The following GRM1 variants were observed in gnomAD, a reference collection of about 807,000 sequenced individuals.
GRM1 encodes the protein glutamate metabotropic receptor 1.
Under a neutral mutation model 90.9 loss-of-function variants are expected in GRM1, and 33 were observed. That is an observed-to-expected ratio of 0.36 (90% CI 0.28 to 0.49). The LOEUF is 0.49. Among genes scored for constraint, GRM1 ranks in the 20% least tolerant of loss-of-function variants. GRM1 has a pLI of 0.99. For synonymous variants in GRM1, 700 were observed against 613.2 expected, an observed-to-expected ratio of 1.14 and a Z score of -2.09; for missense variants, 1,190 against 1,534.3, an observed-to-expected ratio of 0.78 and a Z score of 3.75.
At chr6:146,227,694 A>G (rs1463439638) in intron 2 of GRM1, among the ~76,000 whole-genome samples, 2 of 152,172 alleles carry the variant, frequency 1.3e-5, no homozygotes, top group Non-Finnish European at 1.5e-5. Flanking sequence ...AATTGCAACT[A>G]TGGCTTCCTA....
intron 2 of GRM1, among the ~76,000 whole-genome samples, chr6:146,193,051 C>T (rs926319684): frequency 3.9e-4 from 59 of 152,080 alleles, no homozygotes; most frequent in African/African-American, 1.3e-3. Flanking sequence ...TTGTACCAAG[C>T]GACTGGAAAA....
At chr6:146,032,146 G>A (rs1051766601) in intron 1 of GRM1, among the ~76,000 whole-genome samples, 1 of 152,072 alleles carries the variant, frequency 6.6e-6, no homozygotes, top group Non-Finnish European at 1.5e-5. Context: ...TTATAATTTT[G>A]CCCATGTGTT....
intron 1 of GRM1, among the ~76,000 whole-genome samples, chr6:146,146,215 A>G (rs1427980709): frequency 2.3e-5 from 3 of 132,382 alleles, no homozygotes; most frequent in Middle Eastern, 5.0e-3. Flanking sequence ...CAGCCTCCCT[A>G]GTAGCTGGGA....
chr6:146,077,229 G>T (rs1049616488), intron 1 of GRM1, among the ~76,000 whole-genome samples: 3 of 152,148 alleles, frequency 2.0e-5, no homozygotes, highest in Non-Finnish European at 4.4e-5. Flanking sequence ...TGTGAATTCT[G>T]GTTCAAATAC....
At chr6:146,238,416 A>C (rs1481843611) in intron 2 of GRM1, among the ~76,000 whole-genome samples, 2 of 152,132 alleles carry the variant, frequency 1.3e-5, no homozygotes. Context: ...ATTTTACACC[A>C]GTAGGTAGTA....
At chr6:146,302,370 A>C (rs1783421109) in intron 2 of GRM1, among the ~76,000 whole-genome samples, 2 of 146,804 alleles carry the variant, frequency 1.4e-5, no homozygotes, top group African/African-American at 5.0e-5. Flanking sequence ...TCCCCATGAT[A>C]CTGGTCACTT....
intron 1 of GRM1, among the ~76,000 whole-genome samples, chr6:146,129,792 T>A (rs565404113): frequency 6.6e-6 from 1 of 152,310 alleles, no homozygotes; most frequent in Non-Finnish European, 1.5e-5. Flanking sequence ...GATTTCTGAA[T>A]GTTGTGCCAG....
intron 1 of GRM1, among the ~76,000 whole-genome samples, chr6:146,039,949 C>G (rs1036739877): frequency 2.0e-5 from 3 of 151,884 alleles, no homozygotes; most frequent in Non-Finnish European, 4.4e-5. Context: ...ACAATAAAGT[C>G]AAGGGATCCC....
intron 1 of GRM1, among the ~76,000 whole-genome samples, chr6:146,041,860 C>G (rs976719717): frequency 6.6e-6 from 1 of 151,942 alleles, no homozygotes; most frequent in African/African-American, 2.4e-5. Context: ...GACGGAGTAG[C>G]TTATAAATAA....
intron 1 of GRM1, among the ~76,000 whole-genome samples, chr6:146,054,838 G>T (rs1160287108): frequency 6.6e-6 from 1 of 152,030 alleles, no homozygotes; most frequent in Non-Finnish European, 1.5e-5. Context: ...AAAAACTAGG[G>T]ATTTTAAGGA....
At chr6:146,197,293 C>A (rs1257638939) in intron 2 of GRM1, among the ~76,000 whole-genome samples, 1 of 152,186 alleles carries the variant, frequency 6.6e-6, no homozygotes, top group Non-Finnish European at 1.5e-5. Flanking sequence ...GAAATGTTTT[C>A]AAAACTTGAG....
rs2114680089 is a variant in GRM1, at chr6:146,427,955, AGAG to A, written c.2661-5913_2661-5911del. 2.0e-5 allele frequency among the ~76,000 whole-genome samples: 3 copies of A among 152,310 alleles called. No individual in the cohort carries two copies. The South Asian group carries it at 6.2e-4, about 32-fold the overall frequency. The stretch of plus-strand genomic sequence containing the variant: ...TTGTCCTGACAGCAGGGCCAGAGAG[AGAG>A]GAGAGTTGACTGACATTTTGTAACT... On this transcript the variant is annotated intron_variant, in intron 7 of 7. Coordinates refer to ENST00000282753, the MANE Select transcript of GRM1 (RefSeq NM_001278064.2).
chr6:146,292,164 G>T (rs1783010558), intron 2 of GRM1, among the ~76,000 whole-genome samples: 1 of 151,926 alleles, frequency 6.6e-6, no homozygotes, highest in Non-Finnish European at 1.5e-5. Context: ...GTATAACAAT[G>T]ACCTAAATAT....
chr6:146,135,262 G>A (rs1466526634), intron 1 of GRM1, among the ~76,000 whole-genome samples: 1 of 152,168 alleles, frequency 6.6e-6, no homozygotes, highest in Non-Finnish European at 1.5e-5. Context: ...GTTAGAATTT[G>A]AGCCCAGGAC....
intron 2 of GRM1, among the ~76,000 whole-genome samples, chr6:146,268,032 A>G (rs948520086): frequency 6.6e-6 from 1 of 152,200 alleles, no homozygotes; most frequent in East Asian, 1.9e-4. Flanking sequence ...CTCAATGGTC[A>G]TAACAAGACT....
intron 2 of GRM1, among the ~76,000 whole-genome samples, chr6:146,264,773 T>C (rs1260865763): frequency 6.6e-6 from 1 of 152,190 alleles, no homozygotes; most frequent in East Asian, 1.9e-4. Flanking sequence ...TACATGTAAG[T>C]GAAAACATGG....
intron 2 of GRM1, among the ~76,000 whole-genome samples, chr6:146,302,953 G>A (rs1258851961): frequency 6.6e-6 from 1 of 152,030 alleles, no homozygotes; most frequent in African/African-American, 2.4e-5. Context: ...TACAAAAAGA[G>A]TCTCTACCCT....
chr6:146,206,312 A>G (rs1366167921), intron 2 of GRM1, among the ~76,000 whole-genome samples: 1 of 152,110 alleles, frequency 6.6e-6, no homozygotes, highest in Non-Finnish European at 1.5e-5. Flanking sequence ...GATCATCCCC[A>G]CTTCTAGTTC....
chr6:146,229,345 T>A (rs1033722910), intron 2 of GRM1, among the ~76,000 whole-genome samples: 5 of 150,150 alleles, frequency 3.3e-5, no homozygotes, highest in Non-Finnish European at 5.9e-5. Context: ...AATGTCTTGG[T>A]CTGTAAAATT....
Sources: allele counts gnomAD v4.1 joint callset (sites outside exome capture counted in the v4.1 genomes callset), GRCh38; gene constraint gnomAD v4.1.1; transcripts MANE v1.5; gene names NCBI Gene and HGNC (gene_info 2026-07-23, HGNC 2026-07-21).